Variants in NRXN1 observed in about 807,000 individuals in gnomAD.
NRXN1 encodes the protein neurexin 1, also known as neurexin-1.
NRXN1 carries 39 observed loss-of-function variants against 150.9 expected under a neutral mutation model. The ratio of observed to expected loss-of-function variants is 0.26; its 90% CI spans 0.20 to 0.34. The LOEUF (loss-of-function observed/expected upper bound fraction) is 0.34, where lower values mean the gene tolerates loss of function less well. NRXN1 is among the 10% of genes least tolerant of loss of function. The probability of loss-of-function intolerance (pLI) is 1.00; values close to 1 mark genes in which losing one functional copy is unlikely to be tolerated. For synonymous variants in NRXN1, 924 were observed against 757.0 expected (o/e 1.22, Z -3.62); for missense variants, 1,815 against 1,949.9 (o/e 0.93, Z 1.30).
chr2:50,847,705 G>A (rs1010997633), intron 5 of NRXN1, among the ~76,000 whole-genome samples: 1 of 152,190 alleles, frequency 6.6e-6, no homozygotes, highest in Non-Finnish European at 1.5e-5. Flanking sequence ...GACGGCGAGA[G>A]AACATCGAGA....
At chr2:50,834,412 AG>A (rs1671822324) in intron 5 of NRXN1, among the ~76,000 whole-genome samples, 1 of 152,110 alleles carries the variant, frequency 6.6e-6, no homozygotes, top group South Asian at 2.1e-4. Context: ...TCAGTTTTTG[AG>A]GGGTTGAAAA....
intron 5 of NRXN1, among the ~76,000 whole-genome samples, chr2:50,642,444 G>T (rs1045199629): frequency 6.6e-6 from 1 of 151,932 alleles, no homozygotes; most frequent in East Asian, 1.9e-4. Context: ...AATGAGTGAA[G>T]GTTTTGAGGT....
chr2:50,371,054 G>GTA lies in NRXN1; in HGVS notation c.3364+94386_3364+94387dup, dbSNP rs565246652. 1.3e-3 allele frequency among the ~76,000 whole-genome samples: 199 copies of GTA among 151,902 alleles called. 1 individual carries two copies. Among genetic ancestry groups the GTA allele is most frequent in the African/African-American group, 4.5e-3 (188 of 41,436 alleles). On this transcript the variant is annotated intron_variant, in intron 17 of 22. Coordinates refer to ENST00000401669, the MANE Select transcript of NRXN1 (RefSeq NM_001330078.2). Reference sequence around the variant, plus strand: ...CATGTCAACATGCACATGCATGATTGTATATATATATGTAAGTATAATTAC... The same window carrying GTA: ...CATGTCAACATGCACATGCATGATTGTATATATATATATGTAAGTATAATTAC...
At chr2:50,601,707 G>GT (rs1676304592) in intron 8 of NRXN1, among the ~76,000 whole-genome samples, 1 of 152,158 alleles carries the variant, frequency 6.6e-6, no homozygotes, top group Non-Finnish European at 1.5e-5. Flanking sequence ...CTTGTATAGA[G>GT]TTGACCTGAA....
chr2:50,384,505 C>CAAAAAAAAAAAA (rs56052881), intron 17 of NRXN1, among the ~76,000 whole-genome samples: 1 of 55,970 alleles, frequency 1.8e-5, no homozygotes, highest in African/African-American at 6.4e-5. Flanking sequence ...GACTCCATCT[C>CAAAAAAAAAAAA]AAAAAAAAAA....
At position 50,010,253 on chromosome 2, in the gene NRXN1, A is replaced by G. The variant is rs542157808; in HGVS notation, c.4128+43018T>C. On this transcript the variant is annotated intron_variant, in intron 21 of 22. Coordinates refer to ENST00000401669, the MANE Select transcript of NRXN1 (RefSeq NM_001330078.2). ...TCATCTCTACATTTAGATGCTCTGTACTTACTGAGATTAGCTGGGATGGCC... is the reference window on the plus strand; with the variant it reads ...TCATCTCTACATTTAGATGCTCTGTGCTTACTGAGATTAGCTGGGATGGCC... 6.6e-5 allele frequency among the ~76,000 whole-genome samples: 10 copies of G among 152,256 alleles called. No homozygotes were observed. In the East Asian group the frequency reaches 1.5e-3, roughly 24 times the overall value.
chr2:50,415,368 A>G (rs1036574683), intron 17 of NRXN1, among the ~76,000 whole-genome samples: 1 of 152,080 alleles, frequency 6.6e-6, no homozygotes. Flanking sequence ...TTATGGCTCA[A>G]ATATAATTTA....
At chr2:50,215,627 G>T (rs2063342467) in intron 18 of NRXN1, among the ~76,000 whole-genome samples, 2 of 151,822 alleles carry the variant, frequency 1.3e-5, no homozygotes, top group African/African-American at 2.4e-5. Flanking sequence ...ACAGTAAAAA[G>T]AATTTCTGTA....
chr2:50,061,580 C>G (rs957888283), intron 19 of NRXN1, among the ~76,000 whole-genome samples: 1 of 152,168 alleles, frequency 6.6e-6, no homozygotes, highest in Admixed American at 6.5e-5. Flanking sequence ...AAGATCTATA[C>G]ATTCCGGGCT....
At position 50,552,906 on chromosome 2, in the gene NRXN1, G is replaced by A. The variant is rs762753047; in HGVS notation, c.1440C>T (p.Asp480=). 8 of 1,613,886 alleles carry A rather than the reference G, an allele frequency of 5.0e-6. No homozygotes were observed. In the East Asian group the frequency reaches 1.3e-4, roughly 27 times the overall value. The part of the protein sequence containing the change: ...AFKCENVATL[D]PITFETPESF... ...ACTCTGGGGTTTCAAAGGTGATTGG[G>A]TCTAAAGTTGCAACATTCTCACATT... is the stretch of plus-strand genomic sequence containing the variant. The change falls in exon 9 of 23, where the codon GAC becomes GAT. Residue 480 remains aspartate (D), a synonymous_variant. Transcript: ENST00000401669.
intron 17 of NRXN1, among the ~76,000 whole-genome samples, chr2:50,245,026 A>G (rs2066370561): frequency 6.6e-6 from 1 of 151,978 alleles, no homozygotes; most frequent in Non-Finnish European, 1.5e-5. Flanking sequence ...CCCAATGAAC[A>G]CTACTTTTAA....
chr2:50,471,754 G>A (rs1372054720), intron 16 of NRXN1, among the ~76,000 whole-genome samples: 1 of 151,706 alleles, frequency 6.6e-6, no homozygotes. Context: ...TGAGGATGGA[G>A]AGGATCAGGA....
intron 17 of NRXN1, among the ~76,000 whole-genome samples, chr2:50,349,222 A>G (rs1316707790): frequency 6.6e-6 from 1 of 152,160 alleles, no homozygotes; most frequent in Admixed American, 6.5e-5. Flanking sequence ...GCTAAACATG[A>G]TGCTTTTATC....
At chr2:50,086,049 T>C (rs569013638) in intron 19 of NRXN1, among the ~76,000 whole-genome samples, 1 of 152,314 alleles carries the variant, frequency 6.6e-6, no homozygotes, top group South Asian at 2.1e-4. Flanking sequence ...TTCCATTTTG[T>C]TGTTTGATAA....
chr2:50,543,509 G>C (rs1174415204), intron 9 of NRXN1, among the ~76,000 whole-genome samples: 1 of 152,030 alleles, frequency 6.6e-6, no homozygotes, highest in East Asian at 1.9e-4. Context: ...ATGTAAAGCT[G>C]TTTTTTCACG....
chr2:50,133,041 C>T (rs1433336400), intron 18 of NRXN1, among the ~76,000 whole-genome samples: 1 of 151,996 alleles, frequency 6.6e-6, no homozygotes, highest in East Asian at 1.9e-4. Context: ...TTAGGAAGTG[C>T]AAGGGAGGTG....
intron 18 of NRXN1, among the ~76,000 whole-genome samples, chr2:50,219,953 A>T (rs1342774159): frequency 8.7e-4 from 54 of 62,394 alleles, no homozygotes; most frequent in African/African-American, 2.7e-3. Flanking sequence ...TTATATATAT[A>T]ATATATATAT....
chr2:50,490,246 C>G (rs193134152), intron 15 of NRXN1, among the ~76,000 whole-genome samples: 2 of 152,320 alleles, frequency 1.3e-5, no homozygotes, highest in Admixed American at 6.5e-5. Context: ...TTCTAATGAG[C>G]ATTGTGAACT....
At chr2:50,765,136 T>C (rs1404074242) in intron 5 of NRXN1, among the ~76,000 whole-genome samples, 2 of 152,040 alleles carry the variant, frequency 1.3e-5, no homozygotes, top group African/African-American at 4.8e-5. Flanking sequence ...TGAAACTAAC[T>C]TAACTACCTC....
Sources: allele counts gnomAD v4.1 joint callset (sites outside exome capture counted in the v4.1 genomes callset), GRCh38; gene constraint gnomAD v4.1.1; transcripts MANE v1.5; gene names NCBI Gene and HGNC (gene_info 2026-07-23, HGNC 2026-07-21).